The following DNAH8 variants were observed in gnomAD, a reference collection of about 807,000 sequenced individuals.
DNAH8 encodes the protein dynein axonemal heavy chain 8, also known as axonemal beta dynein heavy chain 8.
Under a neutral mutation model 562.1 loss-of-function variants are expected in DNAH8, and 382 were observed. The ratio of observed to expected loss-of-function variants is 0.68; its 90% confidence interval spans 0.63 to 0.74. DNAH8 has a LOEUF of 0.74. DNAH8 is among the 30% of genes least tolerant of loss of function. The pLI is 0.00. For synonymous variants in DNAH8, 1,881 were observed against 1,919.4 expected (o/e 0.98, Z 0.52); for missense variants, 5,203 against 5,620.4 (o/e 0.93, Z 2.37).
At chr6:38,910,004 T>C (rs556036473) in intron 65 of DNAH8, among the ~76,000 whole-genome samples, 1 of 152,368 alleles carries the variant, frequency 6.6e-6, no homozygotes, top group South Asian at 2.1e-4. Context: ...TGAATTACTT[T>C]ATTTCATCTG....
chr6:38,723,120 C>T lies in DNAH8; in HGVS notation c.311C>T (p.Pro104Leu), dbSNP rs954540376. ...QSVISEVLSL[P>L]SSRRSSRYRR... ...GTGATTTCGGAAGTGCTGTCCTTGC[C>T]GTCTTCCCGGAGGTCCTCCAGATAC... The change falls in exon 2 of 93, where the codon CCG becomes CTG. Residue 104 changes from proline to leucine, a missense_variant. Transcript: ENST00000327475. 7 of 1,612,686 alleles carry T rather than the reference C, an allele frequency of 4.3e-6. No homozygotes were observed. The highest frequency in any genetic ancestry group is 1.3e-5 in the African/African-American group (1 of 74,936).
chr6:38,784,080 A>G (rs777506073), intron 17 of DNAH8, among the ~76,000 whole-genome samples: 9 of 152,164 alleles, frequency 5.9e-5, no homozygotes, highest in Non-Finnish European at 1.0e-4. Context: ...CCTGCATCCT[A>G]GAGGACAGTG....
At position 38,909,509 on chromosome 6, in the gene DNAH8, T is replaced by C; in HGVS notation, c.9514-9T>C. 2 of 1,613,750 alleles carry C rather than the reference T, an allele frequency of 1.2e-6. No individual in the cohort carries two copies. The highest frequency in any genetic ancestry group is 1.7e-4 in the Middle Eastern group (1 of 6,058). On this transcript the variant is annotated splice_polypyrimidine_tract_variant and intron_variant, in intron 64 of 92. Coordinates refer to ENST00000327475, the MANE Select transcript of DNAH8 (RefSeq NM_001206927.2). ...TGTTTCTAATGTTTGTTGACTTTGC[T>C]ATCAATAGGTTGGTGAGAAGTTCCG...
At chr6:38,774,478 G>A (rs567042517) in intron 12 of DNAH8, among the ~76,000 whole-genome samples, 1 of 152,326 alleles carries the variant, frequency 6.6e-6, no homozygotes, top group South Asian at 2.1e-4. Flanking sequence ...GGTCTTGGTT[G>A]ATTCCCACAG....
At chr6:38,755,926 A>T in intron 9 of DNAH8, 46 bp from the exon 10 acceptor site, 1 of 1,045,626 alleles carries the variant, frequency 9.6e-7, no homozygotes, top group South Asian at 1.3e-5. Context: ...TGGTTATTAA[A>T]ACTATATGCA....
intron 70 of DNAH8, among the ~76,000 whole-genome samples, chr6:38,920,827 G>T: frequency 6.6e-6 from 1 of 151,976 alleles, no homozygotes; most frequent in Non-Finnish European, 1.5e-5. Flanking sequence ...GAAATTTCGG[G>T]GTAACTTTTG....
intron 28 of DNAH8, among the ~76,000 whole-genome samples, chr6:38,824,869 A>G (rs1562913328): frequency 6.6e-6 from 1 of 152,164 alleles, no homozygotes; most frequent in Admixed American, 6.5e-5. Context: ...CCAAAGAATT[A>G]CAAGTACTTA....
rs1056630134 is a variant in DNAH8 at position 38,909,668 on chromosome 6, A to G, written c.9664A>G (p.Ile3222Val). 6.2e-7 allele frequency: 1 copy of G among 1,614,164 alleles called. No individual in the cohort carries two copies. Among genetic ancestry groups the G allele is most frequent in the South Asian group, 1.1e-5 (1 of 91,078 alleles). ...SDYNIVCSSE[I>V]KRQVVETMGL... The stretch of plus-strand genomic sequence containing the variant: ...CTATAATATTGTCTGCTCTAGTGAA[A>G]TTAAAAGACAAGTTGTAGAAACAAT... The change falls in exon 65 of 93, where the codon ATT (isoleucine) becomes GTT (valine). Residue 3222 changes from isoleucine to valine, a missense_variant. Physicochemically the swap from Ile to Val is conservative, Grantham distance 29. Coordinates refer to ENST00000327475, the MANE Select transcript of DNAH8 (RefSeq NM_001206927.2).
At position 38,771,222 on chromosome 6, in the gene DNAH8, A is replaced by T. The variant is rs562664685; in HGVS notation, c.1764+663A>T. On this transcript the variant is annotated intron_variant, in intron 12 of 92. Transcript: ENST00000327475. Reference sequence around the variant, plus strand: ...TTGTTGGAAAGTAATGCGGAACATTACATAGGTTGAAGACCTAGACATGTT... The same window carrying T: ...TTGTTGGAAAGTAATGCGGAACATTTCATAGGTTGAAGACCTAGACATGTT... Among the ~76,000 whole-genome samples, 21 of 152,354 alleles carry T rather than the reference A, an allele frequency of 1.4e-4. 1 individual carries two copies. Among genetic ancestry groups the T allele is most frequent in the Admixed American group, 1.4e-3 (21 of 15,310 alleles).
intron 91 of DNAH8, among the ~76,000 whole-genome samples, chr6:39,022,459 C>A (rs1766984576): frequency 6.6e-6 from 1 of 152,204 alleles, no homozygotes; most frequent in Admixed American, 6.5e-5. Context: ...TGGTGACCAA[C>A]CCTTCTCAGC....
chr6:38,757,856 G>C (rs997292189), intron 10 of DNAH8, among the ~76,000 whole-genome samples: 2 of 152,194 alleles, frequency 1.3e-5, no homozygotes, highest in South Asian at 2.1e-4. Context: ...ATTTCTGAGG[G>C]CTCTGTTCTG....
At chr6:38,750,616 T>C in intron 9 of DNAH8, 27 bp downstream of exon 9, 1 of 1,419,260 alleles carries the variant, frequency 7.0e-7, no homozygotes, top group Non-Finnish European at 9.9e-7. Flanking sequence ...AGTACAATTT[T>C]AAACTGAGGG....
chr6:38,978,383 C>A (rs1319757280), intron 85 of DNAH8, among the ~76,000 whole-genome samples: 1 of 152,146 alleles, frequency 6.6e-6, no homozygotes, highest in Non-Finnish European at 1.5e-5. Flanking sequence ...CAAGTTTGAG[C>A]CTTGATAAAC....
intron 88 of DNAH8, among the ~76,000 whole-genome samples, chr6:38,994,500 A>ATTTTTTTTTTTTTTTTTTT (rs33926161): frequency 6.9e-6 from 1 of 145,328 alleles, no homozygotes; most frequent in African/African-American, 2.5e-5. Context: ...AATCATCTAC[A>ATTTTTTTTTTTTTTTTTTT]TTTTTTTTTT....
intron 76 of DNAH8, among the ~76,000 whole-genome samples, chr6:38,933,806 C>T (rs79967401): frequency 0.014 from 2,110 of 152,118 alleles, 49 homozygotes; most frequent in African/African-American, 0.048. Flanking sequence ...TGGCAGAGAC[C>T]GGCCTAATAC....
chr6:38,754,477 T>C (rs192864096), intron 9 of DNAH8, among the ~76,000 whole-genome samples: 1 of 152,282 alleles, frequency 6.6e-6, no homozygotes, highest in East Asian at 1.9e-4. Context: ...ATTTAATTAT[T>C]CCATAGTTAT....
At chr6:38,859,687 T>C (rs1245378102) in intron 42 of DNAH8, among the ~76,000 whole-genome samples, 1 of 152,216 alleles carries the variant, frequency 6.6e-6, no homozygotes, top group African/African-American at 2.4e-5. Flanking sequence ...CTGGTTTCTG[T>C]CTCTTTGAAC....
At position 39,026,672 on chromosome 6, in the gene DNAH8, G is replaced by A; in HGVS notation, c.13836+5G>A. The A allele has an allele frequency of 6.2e-7, 1 of 1,612,382 alleles. No individual in the cohort carries two copies. The highest frequency in any genetic ancestry group is 8.5e-7 in the Non-Finnish European group (1 of 1,179,702). On this transcript the variant is annotated splice_donor_5th_base_variant and intron_variant, in intron 92 of 92. Coordinates refer to ENST00000327475, the MANE Select transcript of DNAH8 (RefSeq NM_001206927.2). ...GAGATCACGTCACCCCCTGGGGTAG[G>A]CGTTGCTGGGCAATAGCAGGGACCA...
chr6:38,754,205 G>C (rs752193522), intron 9 of DNAH8, among the ~76,000 whole-genome samples: 3 of 152,140 alleles, frequency 2.0e-5, no homozygotes, highest in African/African-American at 7.2e-5. Context: ...CACTCAAGGA[G>C]CTACTATTGT....
Sources: allele counts gnomAD v4.1 joint callset (sites outside exome capture counted in the v4.1 genomes callset), GRCh38; gene constraint gnomAD v4.1.1; transcripts MANE v1.5; gene names NCBI Gene and HGNC (gene_info 2026-07-23, HGNC 2026-07-21).